LPGAT1: variants seen among roughly 807,000 people sequenced by gnomAD.
LPGAT1 encodes lysophosphatidylglycerol acyltransferase 1.
Under a neutral mutation model 47.5 loss-of-function variants are expected in LPGAT1, and 11 were observed. The ratio of observed to expected loss-of-function variants is 0.23; its 90% CI spans 0.15 to 0.38. The LOEUF is 0.38. Ranked by LOEUF, LPGAT1 falls within the 10% of genes least tolerant of loss-of-function variation. The pLI is 1.00. For synonymous variants in LPGAT1, 138 were observed against 144.2 expected, an observed-to-expected ratio of 0.96 and a Z score of 0.31; for missense variants, 293 against 439.0, an observed-to-expected ratio of 0.67 and a Z score of 2.97.
At chr1:211,771,894 T>C (rs1213951891) in intron 6 of LPGAT1, among the ~76,000 whole-genome samples, 3 of 152,234 alleles carry the variant, frequency 2.0e-5, no homozygotes, top group South Asian at 2.1e-4. Context: ...AGGGGTACCC[T>C]ACTTGAAGAC....
chr1:211,778,906 T>C lies in LPGAT1; in HGVS notation c.854+12A>G, dbSNP rs373191780. On this transcript the variant is annotated intron_variant, in intron 6 of 7. Coordinates refer to ENST00000366997, the MANE Select transcript of LPGAT1 (RefSeq NM_014873.3). Reference sequence around the variant, plus strand: ...GTTGGATATATACTGAGTACTAATATAGAATTCTTACCTGTAATGTACATG... The same window carrying C: ...GTTGGATATATACTGAGTACTAATACAGAATTCTTACCTGTAATGTACATG... The C allele has an allele frequency of 1.0e-4, 162 of 1,573,804 alleles. No individual in the cohort carries two copies. The highest frequency in any genetic ancestry group is 9.1e-5 in the Non-Finnish European group (106 of 1,165,238).
chr1:211,826,666 G>GAT lies in LPGAT1; in HGVS notation c.238+2391_238+2392dup, dbSNP rs10565966. On this transcript the variant is annotated intron_variant, in intron 2 of 7. Coordinates refer to ENST00000366997, the MANE Select transcript of LPGAT1 (RefSeq NM_014873.3). Reference sequence around the variant, plus strand: ...CACGGAATGTCATAATTTGGAAAAAGATATATATATATATATATATTCATT... The same window carrying GAT: ...CACGGAATGTCATAATTTGGAAAAAGATATATATATATATATATATATTCATT... Among the ~76,000 whole-genome samples the GAT allele has an allele frequency of 8.0e-3, 1,186 of 148,790 alleles. 13 individuals carry two copies. Among genetic ancestry groups the GAT allele is most frequent in the African/African-American group, 0.027 (1,086 of 40,622 alleles).
chr1:211,745,876 G>C lies in LPGAT1; in HGVS notation c.*4023C>G, dbSNP rs965421441. ...TTGTCCTTCATATTAACAGATATAA[G>C]GCTCATAGCACTGCAGAGCAAAAAA... On this transcript the variant is annotated 3_prime_UTR_variant, in exon 8 of 8. Coordinates refer to ENST00000366997, the MANE Select transcript of LPGAT1 (RefSeq NM_014873.3). The C allele has an allele frequency of 6.6e-6, 1 of 152,548 alleles. No individual in the cohort carries two copies. The highest frequency in any genetic ancestry group is 1.9e-4 in the East Asian group (1 of 5,198). 9.4% of individuals were successfully genotyped at this position (152,548 alleles called of 1,614,324 possible).
intron 6 of LPGAT1, among the ~76,000 whole-genome samples, chr1:211,756,250 C>T (rs541955817): frequency 6.6e-6 from 1 of 152,060 alleles, no homozygotes; most frequent in South Asian, 2.1e-4. Context: ...AAAACCAAAC[C>T]AAAACAAAAA....
chr1:211,772,348 A>C (rs1023440562), intron 6 of LPGAT1, among the ~76,000 whole-genome samples: 1 of 152,210 alleles, frequency 6.6e-6, no homozygotes, highest in East Asian at 1.9e-4. Flanking sequence ...CTTGACATCT[A>C]GTAGGAAGAA....
intron 5 of LPGAT1, among the ~76,000 whole-genome samples, chr1:211,781,627 G>A (rs576834575): frequency 9.9e-4 from 150 of 152,282 alleles, no homozygotes; most frequent in African/African-American, 3.2e-3. Context: ...TTATTTCTAC[G>A]TCTGGTCCTG....
intron 5 of LPGAT1, among the ~76,000 whole-genome samples, chr1:211,782,912 T>C (rs921259727): frequency 5.9e-5 from 9 of 152,216 alleles, no homozygotes; most frequent in Admixed American, 1.3e-4. Flanking sequence ...CTTCTAGGAA[T>C]CTGTACTACA....
In LPGAT1 at chr1:211,830,418, G is replaced by A. The variant is rs1660695334; in HGVS notation, c.-28+155C>T. ...AGGCGGGCGGATGCCCCGCGCCCCC[G>A]CCTCCTCCCCGGGGCCTACCGCGCC... On this transcript the variant is annotated intron_variant, in intron 1 of 7. Coordinates refer to ENST00000366997, the MANE Select transcript of LPGAT1 (RefSeq NM_014873.3). This position sits in a 1 kb window ranked among gnomAD's most constrained non-coding sequence, Gnocchi z 5.9. 1.7e-6 allele frequency: 2 copies of A among 1,168,640 alleles called. No individual in the cohort carries two copies. The highest frequency in any genetic ancestry group is 2.1e-6 in the Non-Finnish European group (2 of 946,356). 72.4% of individuals were successfully genotyped at this position (1,168,640 alleles called of 1,614,324 possible).
chr1:211,774,132 C>CTT lies in LPGAT1; in HGVS notation c.854+4784_854+4785dup, dbSNP rs67342051. ...AAAGTGCTTTGTGTTTTTTAAAAGT[C>CTT]TTTTTTTTTTTTTTTTTTTTGAGAC... On this transcript the variant is annotated intron_variant, in intron 6 of 7. Transcript: ENST00000366997. Among the ~76,000 whole-genome samples the CTT allele has an allele frequency of 1.0e-4, 7 of 66,820 alleles. 2 individuals are homozygous for CTT. Among genetic ancestry groups the CTT allele is most frequent in the South Asian group, 1.4e-3 (2 of 1,404 alleles). 43.8% of individuals were successfully genotyped at this position (66,820 alleles called of 152,430 possible).
chr1:211,770,181 T>C (rs955627748), intron 6 of LPGAT1, among the ~76,000 whole-genome samples: 2 of 152,216 alleles, frequency 1.3e-5, no homozygotes, highest in African/African-American at 4.8e-5. Context: ...TTACAAAATA[T>C]CTTGCAGTAA....
intron 5 of LPGAT1, among the ~76,000 whole-genome samples, chr1:211,782,323 T>C (rs1386550031): frequency 1.3e-5 from 2 of 152,376 alleles, no homozygotes; most frequent in Admixed American, 6.5e-5. Context: ...TAAACTTCTT[T>C]GCCTGCATTT....
At chr1:211,787,835 C>A in intron 3 of LPGAT1, 108 bp from the exon 4 acceptor site, 1 of 622,492 alleles carries the variant, frequency 1.6e-6, no homozygotes, top group Non-Finnish European at 2.8e-6. Flanking sequence ...TTTTAATTAA[C>A]CAAAATATCT....
At chr1:211,777,904 G>T (rs1658471026) in intron 6 of LPGAT1, among the ~76,000 whole-genome samples, 1 of 152,166 alleles carries the variant, frequency 6.6e-6, no homozygotes, top group Non-Finnish European at 1.5e-5. Flanking sequence ...ATAGGTTGCA[G>T]TAAAGAAACC....
At chr1:211,786,201 G>C (rs1658872799) in intron 4 of LPGAT1, among the ~76,000 whole-genome samples, 1 of 152,158 alleles carries the variant, frequency 6.6e-6, no homozygotes, top group African/African-American at 2.4e-5. Context: ...GAAGAACAAA[G>C]GATGTTTCCA....
rs981973626 is a variant in LPGAT1, at chr1:211,748,682, T to TA, written c.*1216dup. 4.2e-4 allele frequency: 62 copies of TA among 147,324 alleles called. No individual in the cohort carries two copies. In the East Asian group the frequency reaches 4.3e-3, roughly 10 times the overall value. 9.1% of individuals were successfully genotyped at this position (147,324 alleles called of 1,614,324 possible). A position where few individuals can be genotyped will look rare whatever the true frequency, so the allele number is the denominator to read the frequency against. ...CCTGGGTGACAGAGTAAGACCTGTC[T>TA]AAAAAAAAAAGAAAAAAGAAAAAGC... On this transcript the variant is annotated 3_prime_UTR_variant, in exon 8 of 8. Coordinates refer to ENST00000366997, the MANE Select transcript of LPGAT1 (RefSeq NM_014873.3).
chr1:211,749,287 AGAACACATCCAGTACCAG>A lies in LPGAT1; in HGVS notation c.*594_*611del, dbSNP rs1244995561. The A allele has an allele frequency of 6.5e-6, 1 of 153,410 alleles. No individual in the cohort carries two copies. Among genetic ancestry groups the A allele is most frequent in the Non-Finnish European group, 1.5e-5 (1 of 68,660 alleles). 9.5% of individuals were successfully genotyped at this position (153,410 alleles called of 1,614,324 possible). A position where few individuals can be genotyped will look rare whatever the true frequency, so the allele number is the denominator to read the frequency against. ...TGTTGGACTGAGCTAGCCTTTGTAAAGAACACATCCAGTACCAGAAGGGGTCCAGTGGACACTGCTTTT... is the reference window on the plus strand; with the variant it reads ...TGTTGGACTGAGCTAGCCTTTGTAAAAAGGGGTCCAGTGGACACTGCTTTT... On this transcript the variant is annotated 3_prime_UTR_variant, in exon 8 of 8. Transcript: ENST00000366997.
At chr1:211,804,420 C>T (rs1659684476) in intron 2 of LPGAT1, among the ~76,000 whole-genome samples, 1 of 152,052 alleles carries the variant, frequency 6.6e-6, no homozygotes, top group South Asian at 2.1e-4. Context: ...ATTAAAATAA[C>T]ATACATTCAT....
At chr1:211,756,422 C>A (rs1657455266) in intron 6 of LPGAT1, among the ~76,000 whole-genome samples, 1 of 152,146 alleles carries the variant, frequency 6.6e-6, no homozygotes. Flanking sequence ...CCTTGACTTC[C>A]CAGGCTCAAG....
At chr1:211,817,195 C>T (rs1000349174) in intron 2 of LPGAT1, among the ~76,000 whole-genome samples, 3 of 152,136 alleles carry the variant, frequency 2.0e-5, no homozygotes, top group South Asian at 2.1e-4. Flanking sequence ...TAGGGGGAAA[C>T]GTATATATTG....
Sources: allele counts gnomAD v4.1 joint callset (sites outside exome capture counted in the v4.1 genomes callset), GRCh38; gene constraint gnomAD v4.1.1; non-coding constraint Gnocchi (gnomAD v3.1); transcripts MANE v1.5; gene names NCBI Gene and HGNC (gene_info 2026-07-23, HGNC 2026-07-21).